Variants in LRP1B observed in about 807,000 individuals in gnomAD.
The protein encoded by LRP1B is low-density lipoprotein receptor-related protein 1B.
Under a neutral mutation model 556.6 loss-of-function variants are expected in LRP1B, and 217 were observed. The observed-to-expected ratio is 0.39, with a 90% CI of 0.35 to 0.44. The LOEUF is 0.44. Among genes scored for constraint, LRP1B ranks in the 20% least tolerant of loss-of-function variants. The probability of loss-of-function intolerance (pLI) is 1.00; values close to 1 mark genes in which losing one functional copy is unlikely to be tolerated. For synonymous variants in LRP1B, 2,047 were observed against 1,865.8 expected (o/e 1.10, Z -2.50); for missense variants, 5,053 against 5,620.8 (o/e 0.90, Z 3.23).
At chr2:140,920,659 G>A (rs991935564) in intron 21 of LRP1B, among the ~76,000 whole-genome samples, 1 of 151,968 alleles carries the variant, frequency 6.6e-6, no homozygotes, top group Non-Finnish European at 1.5e-5. Context: ...ATGTGACTTT[G>A]TAATTGTGCA....
intron 14 of LRP1B, among the ~76,000 whole-genome samples, chr2:141,006,948 T>C (rs887635242): frequency 6.6e-6 from 1 of 151,964 alleles, no homozygotes; most frequent in African/African-American, 2.4e-5. Context: ...ACTCTACTTA[T>C]CTATAAATGT....
chr2:141,472,181 AT>A (rs1463282133), intron 3 of LRP1B, among the ~76,000 whole-genome samples: 3 of 152,226 alleles, frequency 2.0e-5, no homozygotes, highest in African/African-American at 7.2e-5. Flanking sequence ...TCTACTACAG[AT>A]ACCAGGTATA....
intron 35 of LRP1B, among the ~76,000 whole-genome samples, chr2:140,721,227 C>T (rs1687389075): frequency 6.6e-6 from 1 of 151,896 alleles, no homozygotes. Context: ...CTTCTTTTTC[C>T]CCTGTAGTTT....
chr2:141,277,378 C>T (rs1187896911), intron 3 of LRP1B, among the ~76,000 whole-genome samples: 2 of 152,176 alleles, frequency 1.3e-5, no homozygotes, highest in Non-Finnish European at 2.9e-5. Context: ...ATTTGCATTT[C>T]TCTAATGATT....
chr2:141,203,644 C>A (rs1410139628), intron 6 of LRP1B, among the ~76,000 whole-genome samples: 1 of 152,078 alleles, frequency 6.6e-6, no homozygotes, highest in African/African-American at 2.4e-5. Context: ...TTAACAAATA[C>A]ATTCAGGACT....
At chr2:140,794,478 AACAC>A (rs6146938) in intron 32 of LRP1B, among the ~76,000 whole-genome samples, 5,725 of 149,976 alleles carry the variant, frequency 0.038, 163 homozygotes, top group African/African-American at 0.076. Flanking sequence ...AGCTATTTAA[AACAC>A]ACACACACAC....
rs72979094 is a variant in LRP1B, at chr2:141,367,769, G to A, written c.343+112627C>T. On this transcript the variant is annotated intron_variant, in intron 3 of 90. Coordinates refer to ENST00000389484, the MANE Select transcript of LRP1B (RefSeq NM_018557.3). ...AGTGCTGTGCTAGGATTACAAGCAT[G>A]AGCCACCGTGCCCAGCCTGGAATGA... 9.3e-3 allele frequency among the ~76,000 whole-genome samples: 1,407 copies of A among 152,002 alleles called. 17 individuals are homozygous for A. Among genetic ancestry groups the A allele is most frequent in the African/African-American group, 0.031 (1,289 of 41,446 alleles).
rs2105087165 is a variant in LRP1B, at chr2:140,335,813, T to C, written c.11918A>G (p.Asp3973Gly). 1 of 1,611,928 alleles carries C rather than the reference T, an allele frequency of 6.2e-7. No individual in the cohort carries two copies. The highest frequency in any genetic ancestry group is 8.5e-7 in the Non-Finnish European group (1 of 1,178,850). ...LICPEFKRPR[D>G]IAVDWVAGNI... ...TCCAGCCACCCAGTCAACTGCAATG[T>C]CCCTGGGCCTTTTAAATTCAGGACA... The change falls in exon 78 of 91, where the codon GAC (aspartate) becomes GGC (glycine). Residue 3973 changes from aspartate (D) to glycine (G), a missense_variant. Asp to Gly is a moderately conservative substitution (Grantham distance 94). Coordinates refer to ENST00000389484, the MANE Select transcript of LRP1B (RefSeq NM_018557.3).
intron 32 of LRP1B, among the ~76,000 whole-genome samples, chr2:140,778,744 A>T (rs1223940362): frequency 1.3e-5 from 2 of 152,128 alleles, no homozygotes; most frequent in African/African-American, 4.8e-5. Flanking sequence ...AAGAATGTCT[A>T]CAATCATCTG....
At chr2:140,634,365 C>T (rs1420311335) in intron 41 of LRP1B, among the ~76,000 whole-genome samples, 2 of 151,920 alleles carry the variant, frequency 1.3e-5, no homozygotes, top group Non-Finnish European at 2.9e-5. Flanking sequence ...TATTCCAATA[C>T]CCCATAACAA....
chr2:141,334,198 C>G (rs564085333), intron 3 of LRP1B, among the ~76,000 whole-genome samples: 1 of 152,166 alleles, frequency 6.6e-6, no homozygotes, highest in Non-Finnish European at 1.5e-5. Flanking sequence ...TCCTGTCCAA[C>G]TGTAATCCTC....
chr2:141,430,476 A>G (rs1222041421), intron 3 of LRP1B, among the ~76,000 whole-genome samples: 1 of 152,200 alleles, frequency 6.6e-6, no homozygotes, highest in African/African-American at 2.4e-5. Flanking sequence ...AGCTAGTCAG[A>G]ACAATTAGGG....
At chr2:140,596,873 A>C (rs1174096398) in intron 43 of LRP1B, among the ~76,000 whole-genome samples, 1 of 152,170 alleles carries the variant, frequency 6.6e-6, no homozygotes, top group Non-Finnish European at 1.5e-5. Context: ...TAAAAACATG[A>C]AATATAAAGT....
intron 3 of LRP1B, among the ~76,000 whole-genome samples, chr2:141,376,752 C>G (rs116381515): frequency 0.023 from 3,455 of 152,064 alleles, 126 homozygotes; most frequent in African/African-American, 0.077. Flanking sequence ...AAAGAAATAA[C>G]ACATTATTTT....
At chr2:140,388,321 A>G (rs532218071) in intron 66 of LRP1B, among the ~76,000 whole-genome samples, 215 of 152,264 alleles carry the variant, frequency 1.4e-3, no homozygotes, top group Non-Finnish European at 2.1e-3. Flanking sequence ...AAAATAGCCC[A>G]TGTAATCCAG....
chr2:141,758,156 G>A (rs1206285415), intron 2 of LRP1B, among the ~76,000 whole-genome samples: 3 of 152,002 alleles, frequency 2.0e-5, no homozygotes, highest in Non-Finnish European at 4.4e-5. Flanking sequence ...ACACAGAGAG[G>A]AGCAAAATTT....
intron 7 of LRP1B, among the ~76,000 whole-genome samples, chr2:141,169,769 G>A (rs2105137091): frequency 7.0e-6 from 1 of 142,972 alleles, no homozygotes; most frequent in Admixed American, 7.2e-5. Context: ...AAAAGATATG[G>A]CTCTCTCCAG....
intron 31 of LRP1B, among the ~76,000 whole-genome samples, chr2:140,823,626 AC>A (rs1181039583): frequency 1.3e-5 from 2 of 152,070 alleles, no homozygotes; most frequent in East Asian, 3.8e-4. Flanking sequence ...GACATGGACT[AC>A]TTAGAGTATT....
At chr2:141,897,602 T>G (rs1056523775) in intron 1 of LRP1B, among the ~76,000 whole-genome samples, 7 of 149,130 alleles carry the variant, frequency 4.7e-5, no homozygotes, top group African/African-American at 1.8e-4. Context: ...AAGATATGAT[T>G]TTTTTCCAGT....
Sources: gnomAD v4.1 joint callset for allele counts (sites outside exome capture counted in the v4.1 genomes callset) on GRCh38, gnomAD v4.1.1 for gene constraint, MANE v1.5 for transcripts, NCBI Gene and HGNC (gene_info 2026-07-23, HGNC 2026-07-21) for gene names.